The following ARRB2 variants were observed in gnomAD, a reference collection of about 807,000 sequenced individuals.
The protein encoded by ARRB2 is arrestin beta 2.
Under a neutral mutation model 53.4 loss-of-function variants are expected in ARRB2, and 21 were observed. That is an observed-to-expected ratio of 0.39 (90% CI 0.28 to 0.57). The LOEUF is 0.57. Ranked by LOEUF, ARRB2 falls within the 20% of genes least tolerant of loss-of-function variation. ARRB2 has a pLI of 0.55. For synonymous variants in ARRB2, 180 were observed against 212.9 expected, an observed-to-expected ratio of 0.85 and a Z score of 1.34; for missense variants, 369 against 527.5, an observed-to-expected ratio of 0.70 and a Z score of 2.94.
chr17:4,714,808 G>T (rs984228962), intron 1 of ARRB2: 5 of 394,930 alleles, frequency 1.3e-5, no homozygotes, highest in Non-Finnish European at 2.3e-5. Context: ...CTTCCGGGAA[G>T]AAGGGTTCCC....
rs1915235086 is a variant in ARRB2 at position 4,717,863 on chromosome 17, C to G, written c.486-25C>G. 1 of 1,613,358 alleles carries G rather than the reference C, an allele frequency of 6.2e-7. No homozygotes were observed. The highest frequency in any genetic ancestry group is 8.5e-7 in the Non-Finnish European group (1 of 1,179,732). On this transcript the variant is annotated intron_variant, in intron 7 of 14. Coordinates refer to ENST00000269260, the MANE Select transcript of ARRB2 (RefSeq NM_004313.4). This position sits in a 1 kb window ranked among gnomAD's most constrained non-coding sequence, Gnocchi z 6.0. ...GGGTTGGGGTGTGTGAGGAATGACC[C>G]CTCCTGCCCCTACTCTGATCCCAGG... is the stretch of plus-strand genomic sequence containing the variant.
intron 1 of ARRB2, among the ~76,000 whole-genome samples, chr17:4,712,497 C>T (rs1291576763): frequency 1.3e-5 from 2 of 152,228 alleles, no homozygotes; most frequent in African/African-American, 4.8e-5. Context: ...CTGTGGTAAC[C>T]TGCCCATTGG....
intron 1 of ARRB2, among the ~76,000 whole-genome samples, chr17:4,711,493 G>A (rs932237021): frequency 5.3e-5 from 8 of 152,162 alleles, no homozygotes; most frequent in African/African-American, 1.7e-4. Flanking sequence ...TGCCTGAGTC[G>A]CAGGGGAGCG....
intron 2 of ARRB2, chr17:4,715,287 A>G: frequency 1.9e-6 from 1 of 535,118 alleles, no homozygotes; most frequent in Non-Finnish European, 3.3e-6. Context: ...ACAGAGGAGG[A>G]GGCCAAAAGC....
rs1915148110 is a variant in ARRB2 at position 4,717,070 on chromosome 17, G to A, written c.358-147G>A. The A allele has an allele frequency of 5.5e-6, 5 of 908,068 alleles. No individual in the cohort carries two copies. The East Asian group carries it at 9.9e-5, about 18-fold the overall frequency. 56.3% of individuals were successfully genotyped at this position (908,068 alleles called of 1,614,324 possible). A position where few individuals can be genotyped will look rare whatever the true frequency, so the allele number is the denominator to read the frequency against. ...GCTGGTCTGGAACCCCTGACCTCAGGTGATCCGCCCACCTTAGCCTTCCAA... is the reference window on the plus strand; with the variant it reads ...GCTGGTCTGGAACCCCTGACCTCAGATGATCCGCCCACCTTAGCCTTCCAA... On this transcript the variant is annotated intron_variant, in intron 5 of 14. Transcript: ENST00000269260. This position sits in a 1 kb window ranked among gnomAD's most constrained non-coding sequence, Gnocchi z 6.0.
At chr17:4,715,280 G>A (rs915068898) in intron 2 of ARRB2, 1 of 548,742 alleles carries the variant, frequency 1.8e-6, no homozygotes, top group African/African-American at 1.9e-5. Context: ...CAAGACCACA[G>A]AGGAGGAGGC....
At chr17:4,713,841 G>A (rs950693270) in intron 1 of ARRB2, among the ~76,000 whole-genome samples, 1 of 150,170 alleles carries the variant, frequency 6.7e-6, no homozygotes, top group African/African-American at 2.5e-5. Context: ...GCTCACTCCT[G>A]TAATCCCAGC....
chr17:4,718,529 G>C, intron 9 of ARRB2, 83 bp from the exon 10 acceptor site: 1 of 1,427,124 alleles, frequency 7.0e-7, no homozygotes, highest in Non-Finnish European at 9.7e-7. Flanking sequence ...AGCATGGGGG[G>C]GCCACGCCAC....
Position 4,717,643 on chromosome 17 carries a change from G to A in ARRB2, c.418-42G>A, listed in dbSNP as rs143327202. 1.2e-3 allele frequency: 1,895 copies of A among 1,612,938 alleles called. 4 individuals are homozygous for A. The highest frequency in any genetic ancestry group is 1.5e-3 in the Non-Finnish European group (1,753 of 1,179,248). On this transcript the variant is annotated intron_variant, in intron 6 of 14. Transcript: ENST00000269260. This position sits in a 1 kb window ranked among gnomAD's most constrained non-coding sequence, Gnocchi z 6.0. ...AGGAAGAAAGGGCAGTGATGGTGGC[G>A]GGAGCCTCCGGTAAGATGTGGCCTT... is the stretch of plus-strand genomic sequence containing the variant.
rs1915675775 is a variant in ARRB2 at position 4,721,339 on chromosome 17, G to A, written c.*300G>A. The A allele has an allele frequency of 6.8e-6, 3 of 438,318 alleles. No individual in the cohort carries two copies. The East Asian group carries it at 1.0e-4, about 15-fold the overall frequency. 27.2% of individuals were successfully genotyped at this position (438,318 alleles called of 1,614,324 possible). ...GGGGACAGTGAAAAGAGGAGTGACA[G>A]GAGGGAAAGGGGGAGACAAAACTCC... is the stretch of plus-strand genomic sequence containing the variant. On this transcript the variant is annotated 3_prime_UTR_variant, in exon 15 of 15. Transcript: ENST00000269260. The surrounding 1 kb of genome is among the most constrained non-coding windows in gnomAD (Gnocchi z 4.2).
intron 4 of ARRB2, 53 bp from the exon 5 acceptor site, chr17:4,716,359 A>G (rs2150592137): frequency 6.2e-7 from 1 of 1,613,964 alleles, no homozygotes; most frequent in Non-Finnish European, 8.5e-7. Flanking sequence ...GCTAGGTGCC[A>G]GGGGACTGGG....
At chr17:4,715,842 G>T (rs1914972722) in intron 2 of ARRB2, 131 bp from the exon 3 acceptor site, 9 of 1,046,824 alleles carry the variant, frequency 8.6e-6, no homozygotes, top group Non-Finnish European at 1.2e-5. Context: ...ACACTATTGG[G>T]AGGAAACCTG....
chr17:4,716,346 G>C, intron 4 of ARRB2, 66 bp from the exon 5 acceptor site: 2 of 1,612,902 alleles, frequency 1.2e-6, no homozygotes, highest in Non-Finnish European at 1.7e-6. Flanking sequence ...AGGAGCAGCG[G>C]CTGCTAGGTG....
chr17:4,720,341 C>T (rs375389726), intron 12 of ARRB2, 42 bp downstream of exon 12: 1 of 1,613,794 alleles, frequency 6.2e-7, no homozygotes, highest in Non-Finnish European at 8.5e-7. Flanking sequence ...CACACTGGCT[C>T]TCTCTAGTCC....
intron 11 of ARRB2, among the ~76,000 whole-genome samples, 162 bp from the exon 12 acceptor site, chr17:4,720,054 G>C (rs1215945931): frequency 6.6e-6 from 1 of 152,168 alleles, no homozygotes; most frequent in Admixed American, 6.5e-5. Context: ...TCTGAGCAGG[G>C]AGTGCAGTGC....
chr17:4,715,623 T>A (rs1914920274), intron 2 of ARRB2: 1 of 313,392 alleles, frequency 3.2e-6, no homozygotes, highest in Non-Finnish European at 5.8e-6. Context: ...TTGGGCTGAG[T>A]CCTCCCTGAG....
At chr17:4,712,097 G>A (rs535240141) in intron 1 of ARRB2, among the ~76,000 whole-genome samples, 2 of 152,330 alleles carry the variant, frequency 1.3e-5, no homozygotes, top group South Asian at 4.1e-4. Context: ...ACTGATTGTG[G>A]CTGTCACAGC....
intron 2 of ARRB2, chr17:4,715,505 ACATACACACACACCT>A: frequency 4.6e-6 from 1 of 217,952 alleles, no homozygotes; most frequent in Non-Finnish European, 9.0e-6. Flanking sequence ...ACACATACAC[ACATACACACACACCT>A]GGCTGGTTGG....
chr17:4,718,153 T>C, intron 8 of ARRB2, 108 bp from the exon 9 acceptor site: 5 of 1,552,562 alleles, frequency 3.2e-6, no homozygotes, highest in African/African-American at 1.4e-5. Flanking sequence ...GCCGTGGGCT[T>C]GGGTTTGAGG....
Sources: allele counts gnomAD v4.1 joint callset (sites outside exome capture counted in the v4.1 genomes callset), GRCh38; gene constraint gnomAD v4.1.1; non-coding constraint Gnocchi (gnomAD v3.1); transcripts MANE v1.5; gene names NCBI Gene and HGNC (gene_info 2026-07-23, HGNC 2026-07-21).